The following NVL variants were observed in gnomAD, a reference collection of about 807,000 sequenced individuals.
The protein encoded by NVL is nuclear valosin-containing protein-like.
In NVL, 84 loss-of-function variants were observed where a neutral mutation model predicts 110.2. That is an observed-to-expected ratio of 0.76 (90% CI 0.64 to 0.91). The LOEUF is 0.91. NVL is among the 40% of genes least tolerant of loss of function. The probability of loss-of-function intolerance (pLI) is 0.00; values close to 1 mark genes in which losing one functional copy is unlikely to be tolerated. For missense variants in NVL, 882 were observed against 1,035.9 expected (o/e 0.85, Z 2.04); for synonymous variants, 354 against 361.1 (o/e 0.98, Z 0.22).
At chr1:224,289,780 TA>T in intron 12 of NVL, 47 bp from the exon 13 acceptor site, 1 of 1,554,160 alleles carries the variant, frequency 6.4e-7, no homozygotes, top group South Asian at 1.2e-5. Flanking sequence ...GATCTAATAG[TA>T]AAAACAAGTC....
At chr1:224,233,013 C>T (rs1660066685) in intron 21 of NVL, 188 bp downstream of exon 21, 3 of 512,068 alleles carry the variant, frequency 5.9e-6, no homozygotes, top group African/African-American at 2.0e-5. Context: ...TACTAAATAA[C>T]TTTGCTATTA....
At position 224,231,074 on chromosome 1, in the gene NVL, A is replaced by T. The variant is rs190916799; in HGVS notation, c.2526+152T>A. On this transcript the variant is annotated intron_variant, in intron 22 of 22. Coordinates refer to ENST00000281701, the MANE Select transcript of NVL (RefSeq NM_002533.4). ...TGTGAACCCGGGAGGCAGAGCTTGC[A>T]GTGAGCAGAGATCGCACCACTGCAC... 3.3e-5 allele frequency: 18 copies of T among 550,022 alleles called. No homozygotes were observed. The East Asian group carries it at 4.6e-4, about 14-fold the overall frequency. The allele number at this position is 550,022 out of a possible 1,614,324, so 34.1% of individuals were successfully genotyped here.
intron 9 of NVL, among the ~76,000 whole-genome samples, chr1:224,302,311 C>T (rs1668497520): frequency 6.6e-6 from 1 of 152,074 alleles, no homozygotes; most frequent in South Asian, 2.1e-4. Flanking sequence ...AAGTGATTCT[C>T]CTGCCTTAGC....
At chr1:224,290,026 G>A (rs1361755619) in intron 12 of NVL, among the ~76,000 whole-genome samples, 1 of 152,108 alleles carries the variant, frequency 6.6e-6, no homozygotes, top group African/African-American at 2.4e-5. Flanking sequence ...CATTACAGGG[G>A]AAATAAGATA....
chr1:224,305,027 A>G lies in NVL; in HGVS notation c.748+7T>C, dbSNP rs1270483692. 2 of 1,612,862 alleles carry G rather than the reference A, an allele frequency of 1.2e-6. No homozygotes were observed. Among genetic ancestry groups the G allele is most frequent in the African/African-American group, 1.3e-5 (1 of 75,020 alleles). ...GACCACTGCCACCAACAAGACTCAC[A>G]CCTTACCTTTCTTTTGCAGGACAGC... On this transcript the variant is annotated splice_region_variant and intron_variant, in intron 7 of 22. Transcript: ENST00000281701.
intron 16 of NVL, among the ~76,000 whole-genome samples, chr1:224,278,834 G>A (rs921335225): frequency 1.3e-5 from 2 of 152,028 alleles, no homozygotes; most frequent in South Asian, 4.2e-4. Context: ...TCAGGCTCAC[G>A]TGATCCTCCC....
At position 224,303,611 on chromosome 1, in the gene NVL, T is replaced by A. The variant is rs1245773376; in HGVS notation, c.960+112A>T. 2.8e-6 allele frequency: 3 copies of A among 1,070,340 alleles called. No individual in the cohort carries two copies. In the African/African-American group the frequency reaches 4.8e-5, roughly 17 times the overall value. 66.3% of individuals were successfully genotyped at this position (1,070,340 alleles called of 1,614,324 possible). ...ACAAAGGGATCAGTTCCAATGACTATGTTCTCTTCCTGAAGAATGCCATGT... is the reference window on the plus strand; with the variant it reads ...ACAAAGGGATCAGTTCCAATGACTAAGTTCTCTTCCTGAAGAATGCCATGT... On this transcript the variant is annotated intron_variant, in intron 9 of 22. Transcript: ENST00000281701.
intron 1 of NVL, 68 bp from the exon 2 acceptor site, chr1:224,326,532 T>G (rs1269547247): frequency 2.0e-6 from 2 of 1,020,038 alleles, no homozygotes; most frequent in Non-Finnish European, 1.5e-6. Context: ...AATCAACAGA[T>G]TGAGCTATCT....
At chr1:224,310,852 T>C (rs1451647097) in intron 5 of NVL, among the ~76,000 whole-genome samples, 1 of 151,830 alleles carries the variant, frequency 6.6e-6, no homozygotes, top group African/African-American at 2.4e-5. Context: ...AGCCTCAGCC[T>C]CCTGAGTAGC....
At chr1:224,269,073 G>A (rs945270446) in intron 17 of NVL, among the ~76,000 whole-genome samples, 1 of 144,262 alleles carries the variant, frequency 6.9e-6, no homozygotes, top group Admixed American at 7.4e-5. Flanking sequence ...TACCAACTTT[G>A]GTGAGACTAA....
intron 22 of NVL, among the ~76,000 whole-genome samples, chr1:224,229,737 C>A (rs1659659398): frequency 6.6e-6 from 1 of 152,144 alleles, no homozygotes; most frequent in African/African-American, 2.4e-5. Flanking sequence ...AGTGAGCCAC[C>A]GCGTCTGGCA....
Position 224,294,228 on chromosome 1 carries a change from G to T in NVL, c.1325+39C>A. ...TACTTTCAAACCATTCAGTTAAGAT[G>T]ACTTAGTGGCATACAAACTTCATTC... On this transcript the variant is annotated intron_variant, in intron 12 of 22. Coordinates refer to ENST00000281701, the MANE Select transcript of NVL (RefSeq NM_002533.4). 3 of 1,606,926 alleles carry T rather than the reference G, an allele frequency of 1.9e-6. No individual in the cohort carries two copies. In the South Asian group the frequency reaches 3.3e-5, roughly 18 times the overall value.
intron 12 of NVL, among the ~76,000 whole-genome samples, chr1:224,291,412 G>C (rs569282749): frequency 6.6e-6 from 1 of 152,078 alleles, no homozygotes; most frequent in Admixed American, 6.5e-5. Flanking sequence ...ACTTGGACAA[G>C]GAAATATATT....
At chr1:224,264,996 C>T (rs747419143) in intron 18 of NVL, among the ~76,000 whole-genome samples, 32 of 152,144 alleles carry the variant, frequency 2.1e-4, no homozygotes, top group East Asian at 3.9e-4. Context: ...CCGCCGGCCT[C>T]GGCCTCCCAA....
chr1:224,272,890 C>T (rs1201328584), intron 17 of NVL, among the ~76,000 whole-genome samples: 37 of 149,406 alleles, frequency 2.5e-4, no homozygotes, highest in African/African-American at 6.9e-4. Context: ...AAAAATTAGC[C>T]GGGCGTAGTG....
At chr1:224,251,880 A>G (rs2102763079) in intron 18 of NVL, among the ~76,000 whole-genome samples, 1 of 152,022 alleles carries the variant, frequency 6.6e-6, no homozygotes, top group South Asian at 2.1e-4. Flanking sequence ...AGTCCTCCTA[A>G]ATGGTCCTGC....
At chr1:224,263,827 A>T (rs909883228) in intron 18 of NVL, among the ~76,000 whole-genome samples, 15 of 152,162 alleles carry the variant, frequency 9.9e-5, no homozygotes, top group African/African-American at 3.4e-4. Flanking sequence ...CATCAGAAAG[A>T]TTACAAGGTG....
intron 20 of NVL, among the ~76,000 whole-genome samples, chr1:224,234,419 A>C (rs1660242028): frequency 1.3e-5 from 2 of 152,126 alleles, no homozygotes. Flanking sequence ...CTGGACATTA[A>C]ACTTATTATA....
chr1:224,243,449 A>G (rs1661435997), intron 19 of NVL, among the ~76,000 whole-genome samples: 1 of 152,122 alleles, frequency 6.6e-6, no homozygotes, highest in Admixed American at 6.6e-5. Flanking sequence ...TGACAGAGCA[A>G]GACCTTGTCT....
Sources: allele counts gnomAD v4.1 joint callset (sites outside exome capture counted in the v4.1 genomes callset), GRCh38; gene constraint gnomAD v4.1.1; transcripts MANE v1.5; gene names NCBI Gene and HGNC (gene_info 2026-07-23, HGNC 2026-07-21).